Variants in PPM1K observed in about 807,000 individuals in gnomAD.
PPM1K encodes the protein protein phosphatase, Mg2+/Mn2+ dependent 1K.
In PPM1K, 19 loss-of-function variants were observed where a neutral mutation model predicts 32.6. That is an observed-to-expected ratio of 0.58 (90% CI 0.41 to 0.86). The LOEUF (loss-of-function observed/expected upper bound fraction) is 0.86. Ranked by LOEUF, PPM1K falls within the 40% of genes least tolerant of loss-of-function variation. The pLI is 0.00. For synonymous variants in PPM1K, 159 were observed against 165.3 expected, an observed-to-expected ratio of 0.96 and a Z score of 0.29; for missense variants, 362 against 461.2, an observed-to-expected ratio of 0.78 and a Z score of 1.97.
Position 88,261,184 on chromosome 4 carries a change from C to CA in PPM1K, c.*1410dup, listed in dbSNP as rs1426438681. Reference sequence around the variant, plus strand: ...AATTCACATTTTAACAGCAAACTTACATGCAGATAAAGAGAAGTATAGTTT... The same window carrying CA: ...AATTCACATTTTAACAGCAAACTTACAATGCAGATAAAGAGAAGTATAGTTT... On this transcript the variant is annotated 3_prime_UTR_variant, in exon 7 of 7. Transcript: ENST00000608933. 2 of 152,128 alleles carry CA rather than the reference C, an allele frequency of 1.3e-5. No individual in the cohort carries two copies. The highest frequency in any genetic ancestry group is 2.9e-5 in the Non-Finnish European group (2 of 68,020). The allele number at this position is 152,128 out of a possible 1,614,324, so 9.4% of individuals were successfully genotyped here. A position where few individuals can be genotyped will look rare whatever the true frequency, so the allele number is the denominator to read the frequency against.
intron 5 of PPM1K, 152 bp from the exon 6 acceptor site, chr4:88,265,287 A>C: frequency 1.8e-5 from 14 of 793,600 alleles, no homozygotes; most frequent in Non-Finnish European, 2.8e-5. Context: ...CCCAAATCTC[A>C]TATTGAATTA....
At chr4:88,266,918 G>A (rs2110157122) in intron 5 of PPM1K, among the ~76,000 whole-genome samples, 1 of 151,614 alleles carries the variant, frequency 6.6e-6, no homozygotes, top group African/African-American at 2.4e-5. Flanking sequence ...CTGATTGGGT[G>A]CAGGTGGTGC....
chr4:88,274,242 C>T lies in PPM1K; in HGVS notation c.541+2901G>A, dbSNP rs189748937. Among the ~76,000 whole-genome samples, 289 of 152,322 alleles carry T rather than the reference C, an allele frequency of 1.9e-3. 1 individual carries two copies. The highest frequency in any genetic ancestry group is 2.1e-3 in the Non-Finnish European group (141 of 68,040). On this transcript the variant is annotated intron_variant, in intron 3 of 6. Transcript: ENST00000608933. ...AGTAATTCACTTCTATGGTTTAAGC[C>T]TTTTTCAGGTGTCTGCTAACTAAAA...
intron 3 of PPM1K, chr4:88,274,936 T>C: frequency 2.9e-6 from 1 of 340,944 alleles, no homozygotes; most frequent in Non-Finnish European, 4.1e-6. Flanking sequence ...ATATACAAAA[T>C]AAGATTTTAA....
At chr4:88,265,618 C>A (rs1731273710) in intron 5 of PPM1K, among the ~76,000 whole-genome samples, 1 of 152,142 alleles carries the variant, frequency 6.6e-6, no homozygotes, top group African/African-American at 2.4e-5. Flanking sequence ...AATACATAGG[C>A]AAACAGTGAA....
chr4:88,261,526 G>A lies in PPM1K; in HGVS notation c.*1069C>T, dbSNP rs1731113092. On this transcript the variant is annotated 3_prime_UTR_variant, in exon 7 of 7. Transcript: ENST00000608933. The stretch of plus-strand genomic sequence containing the variant: ...AACTTTTGACCGGAAGACTCAGCCT[G>A]TGCATTCTTTTCTGATATTAAGGAA... The A allele has an allele frequency of 6.6e-6, 1 of 152,076 alleles. No individual in the cohort carries two copies. Among genetic ancestry groups the A allele is most frequent in the South Asian group, 2.1e-4 (1 of 4,826 alleles). The allele number at this position is 152,076 out of a possible 1,614,324, so 9.4% of individuals were successfully genotyped here.
chr4:88,267,487 T>C (rs1222510651), intron 5 of PPM1K, among the ~76,000 whole-genome samples: 1 of 152,216 alleles, frequency 6.6e-6, no homozygotes, highest in Non-Finnish European at 1.5e-5. Context: ...GAGAATTCCA[T>C]AGCTGGGGTG....
At chr4:88,262,809 A>G in intron 6 of PPM1K, 83 bp from the exon 7 acceptor site, 1 of 1,459,268 alleles carries the variant, frequency 6.9e-7, no homozygotes, top group Non-Finnish European at 9.1e-7. Flanking sequence ...CTTCCCTTGG[A>G]AATACGCTTC....
At chr4:88,275,240 C>T in intron 3 of PPM1K, 3 of 655,246 alleles carry the variant, frequency 4.6e-6, no homozygotes, top group Non-Finnish European at 5.7e-6. Context: ...TGTGTGCCAT[C>T]CTTGCACAAG....
rs1438133289 is a variant in PPM1K, at chr4:88,264,990, C to T, written c.987+11G>A. 1 of 1,613,662 alleles carries T rather than the reference C, an allele frequency of 6.2e-7. No homozygotes were observed. The highest frequency in any genetic ancestry group is 8.5e-7 in the Non-Finnish European group (1 of 1,179,746). The stretch of plus-strand genomic sequence containing the variant: ...CTCCTTGGGACTTTTCAGGCAGAAG[C>T]TCTGGGTCACCTGTTCAGTCACCGC... On this transcript the variant is annotated intron_variant, in intron 6 of 6. Coordinates refer to ENST00000608933, the MANE Select transcript of PPM1K (RefSeq NM_152542.5).
At chr4:88,277,686 C>A (rs560629474) in intron 2 of PPM1K, 1 of 194,574 alleles carries the variant, frequency 5.1e-6, no homozygotes, top group African/African-American at 2.4e-5. Context: ...AGTAAATAAA[C>A]GGAAGAGCTC....
rs999902558 is a variant in PPM1K at position 88,259,390 on chromosome 4, A to G, written c.*3205T>C. On this transcript the variant is annotated 3_prime_UTR_variant, in exon 7 of 7. Transcript: ENST00000608933. ...ATACTTGTGGAAAATCACAATGACA[A>G]TGAATATTTCACCAAATAGATGGTG... 7 of 152,236 alleles carry G rather than the reference A, an allele frequency of 4.6e-5. No individual in the cohort carries two copies. The highest frequency in any genetic ancestry group is 1.4e-4 in the African/African-American group (6 of 41,462). The allele number at this position is 152,236 out of a possible 1,614,324, so 9.4% of individuals were successfully genotyped here.
chr4:88,282,007 G>C (rs1732033050), intron 1 of PPM1K, among the ~76,000 whole-genome samples: 1 of 151,610 alleles, frequency 6.6e-6, no homozygotes, highest in South Asian at 2.1e-4. Context: ...TAAACAAAAA[G>C]AGTGGAGAAC....
intron 1 of PPM1K, chr4:88,283,701 A>C (rs1732112199): frequency 6.6e-6 from 1 of 152,416 alleles, no homozygotes; most frequent in Non-Finnish European, 1.5e-5. Context: ...GCGCAAAGTA[A>C]AACCCAAGTC....
chr4:88,268,894 G>T lies in PPM1K; in HGVS notation c.554C>A (p.Thr185Asn), dbSNP rs866594106. 39 of 1,607,792 alleles carry T rather than the reference G, an allele frequency of 2.4e-5. 1 individual carries two copies. The Middle Eastern group carries it at 5.8e-3, about 239-fold the overall frequency. Residue 185 changes from threonine (T) to asparagine (N), a missense_variant, in exon 4 of 7, where the codon ACC becomes AAC. Thr to Asn is a moderately conservative substitution (Grantham distance 65, BLOSUM62 0). Coordinates refer to ENST00000608933, the MANE Select transcript of PPM1K (RefSeq NM_152542.5). Reference sequence around the variant, plus strand: ...GGCTACTGTTGCAGTAGTCCCAGAGGTCAGAAGAGTTGCTACAAGTATTAT... The same window carrying T: ...GGCTACTGTTGCAGTAGTCCCAGAGTTCAGAAGAGTTGCTACAAGTATTAT... Reference protein sequence around the residue: ...ARLSADATLLTSGTTATVALL... With the variant: ...ARLSADATLLNSGTTATVALL...
At chr4:88,276,105 G>A (rs1731757241) in intron 3 of PPM1K, 6 of 985,144 alleles carry the variant, frequency 6.1e-6, no homozygotes, top group Admixed American at 6.1e-5. Context: ...CTCTCCTCAT[G>A]AGAGAAGAGA....
intron 3 of PPM1K, chr4:88,275,263 C>G (rs1215100131): frequency 1.4e-6 from 1 of 739,086 alleles, no homozygotes. Flanking sequence ...CCATGCTGAT[C>G]TCTGTATCAT....
At chr4:88,268,084 T>C (rs933631327) in intron 5 of PPM1K, 106 bp downstream of exon 5, 2 of 1,249,974 alleles carry the variant, frequency 1.6e-6, no homozygotes, top group Non-Finnish European at 1.1e-6. Context: ...TACTCCCTTT[T>C]AAAAATCATT....
chr4:88,275,306 C>T (rs766543565), intron 3 of PPM1K: 9 of 934,432 alleles, frequency 9.6e-6, no homozygotes, highest in Non-Finnish European at 1.1e-5. Flanking sequence ...CTGAAGTTAG[C>T]ATATGAATTA....
Sources: gnomAD v4.1 joint callset for allele counts (sites outside exome capture counted in the v4.1 genomes callset) on GRCh38, gnomAD v4.1.1 for gene constraint, MANE v1.5 for transcripts, NCBI Gene and HGNC (gene_info 2026-07-23, HGNC 2026-07-21) for gene names.